The following ZNF716 variants were observed in gnomAD, a reference collection of about 807,000 sequenced individuals.
ZNF716 encodes the protein zinc finger protein 716.
ZNF716 carries 9 observed loss-of-function variants against 13.4 expected under a neutral mutation model. The ratio of observed to expected loss-of-function variants is 0.67; its 90% CI spans 0.41 to 1.18. The LOEUF is 1.18. ZNF716 is among the 50% of genes most tolerant of loss of function. The probability of loss-of-function intolerance (pLI) is 0.01; values close to 1 mark genes in which losing one functional copy is unlikely to be tolerated. For missense variants in ZNF716, 581 were observed against 576.6 expected, an observed-to-expected ratio of 1.01 and a Z score of -0.08; for synonymous variants, 186 against 195.2, an observed-to-expected ratio of 0.95 and a Z score of 0.39.
intron 1 of ZNF716, among the ~76,000 whole-genome samples, chr7:57,456,637 T>A (rs10240849): frequency 0.036 from 5,447 of 151,828 alleles, 314 homozygotes; most frequent in East Asian, 0.24. Flanking sequence ...CAGGAAGCTG[T>A]AGCAGGAGAA....
At chr7:57,456,652 T>G (rs1789595721) in intron 1 of ZNF716, among the ~76,000 whole-genome samples, 1 of 152,080 alleles carries the variant, frequency 6.6e-6, no homozygotes. Flanking sequence ...GGAGAATTAC[T>G]TGAACCCGAG....
intron 3 of ZNF716, among the ~76,000 whole-genome samples, chr7:57,466,746 T>G (rs1789823479): frequency 6.6e-6 from 1 of 152,120 alleles, no homozygotes; most frequent in Non-Finnish European, 1.5e-5. Context: ...CTATATTATG[T>G]TCTTCTGATT....
chr7:57,459,569 A>G (rs148470366), intron 1 of ZNF716, among the ~76,000 whole-genome samples: 3,680 of 152,312 alleles, frequency 0.024, 81 homozygotes, highest in Non-Finnish European at 0.036. Context: ...GAAAAAGCCC[A>G]TTCCTGGACC....
At chr7:57,454,953 G>T (rs1211416928) in intron 1 of ZNF716, among the ~76,000 whole-genome samples, 1 of 152,010 alleles carries the variant, frequency 6.6e-6, no homozygotes, top group Non-Finnish European at 1.5e-5. Flanking sequence ...ATGAACCCAG[G>T]AGGCGGAGCT....
chr7:57,471,527 A>T lies in ZNF716; in HGVS notation c.*1578A>T, dbSNP rs1789937520. On this transcript the variant is annotated 3_prime_UTR_variant, in exon 4 of 4. Coordinates refer to ENST00000420713, the MANE Select transcript of ZNF716 (RefSeq NM_001159279.1). ...AGACAAACATTAAAACATAAAGAGGATTGTGTAGTACCTTTATTTGTATTA... is the reference window on the plus strand; with the variant it reads ...AGACAAACATTAAAACATAAAGAGGTTTGTGTAGTACCTTTATTTGTATTA... 6.6e-6 allele frequency: 1 copy of T among 152,154 alleles called. No homozygotes were observed. The highest frequency in any genetic ancestry group is 1.9e-4 in the East Asian group (1 of 5,186). 9.4% of individuals were successfully genotyped at this position (152,154 alleles called of 1,614,324 possible).
rs1224290318 is a variant in ZNF716 at position 57,468,796 on chromosome 7, T to C, written c.335T>C (p.Leu112Pro). 1.2e-5 allele frequency: 19 copies of C among 1,613,472 alleles called. No individual in the cohort carries two copies. Among genetic ancestry groups the C allele is most frequent in the African/African-American group, 4.0e-5 (3 of 74,870 alleles). ...GIKDSLQKVI[L>P]RRYGKCGQED... ...AAAGATTCACTCCAAAAAGTGATAC[T>C]GAGAAGATATGGAAAATGTGGACAG... Residue 112 changes from leucine to proline, a missense_variant, in exon 4 of 4, where the codon CTG becomes CCG. Transcript: ENST00000420713.
At chr7:57,454,237 G>T (rs558202806) in intron 1 of ZNF716, among the ~76,000 whole-genome samples, 12 of 152,200 alleles carry the variant, frequency 7.9e-5, no homozygotes, top group African/African-American at 2.4e-4. Flanking sequence ...GTCCTCTTAT[G>T]GAAATAAGTA....
At chr7:57,459,222 A>T (rs1789660817) in intron 1 of ZNF716, among the ~76,000 whole-genome samples, 1 of 152,048 alleles carries the variant, frequency 6.6e-6, no homozygotes, top group Admixed American at 6.6e-5. Context: ...ACCAGCTCCC[A>T]GGGTGCTATG....
intron 1 of ZNF716, among the ~76,000 whole-genome samples, chr7:57,460,357 C>T (rs1364021438): frequency 3.5e-5 from 5 of 143,790 alleles, no homozygotes; most frequent in Admixed American, 7.1e-5. Context: ...ATTGCACCAC[C>T]GCACTCCAGC....
intron 1 of ZNF716, among the ~76,000 whole-genome samples, chr7:57,460,421 G>C (rs534974164): frequency 6.8e-6 from 1 of 147,178 alleles, no homozygotes; most frequent in African/African-American, 2.5e-5. Context: ...AAAAGGCAGC[G>C]TCCACTCTGC....
In ZNF716 at chr7:57,454,213, A is replaced by G. The variant is rs1452622400; in HGVS notation, c.39+3886A>G. 6.6e-5 allele frequency among the ~76,000 whole-genome samples: 10 copies of G among 152,176 alleles called. 1 individual carries two copies. The highest frequency in any genetic ancestry group is 1.5e-5 in the Non-Finnish European group (1 of 68,030). On this transcript the variant is annotated intron_variant, in intron 1 of 3. Transcript: ENST00000420713. The stretch of plus-strand genomic sequence containing the variant: ...CTTCTAGAAGTTTGTTCATATTACT[A>G]ATGTTTACTGAATGTCCTCTTATGG...
chr7:57,461,009 C>T (rs1554322989), intron 1 of ZNF716, among the ~76,000 whole-genome samples: 1 of 151,762 alleles, frequency 6.6e-6, no homozygotes. Context: ...GTGGCTCACG[C>T]TTGTAATCCC....
chr7:57,467,158 C>T (rs568326511), intron 3 of ZNF716, among the ~76,000 whole-genome samples: 3 of 151,998 alleles, frequency 2.0e-5, no homozygotes, highest in Non-Finnish European at 4.4e-5. Context: ...AATTTATTCT[C>T]ATTATATCTA....
At chr7:57,461,119 A>AAAAAT (rs1554323014) in intron 1 of ZNF716, among the ~76,000 whole-genome samples, 1 of 150,816 alleles carries the variant, frequency 6.6e-6, no homozygotes, top group Non-Finnish European at 1.5e-5. Flanking sequence ...AAAAAAAAAA[A>AAAAAT]ATACAAAAAT....
Position 57,450,347 on chromosome 7 carries a change from C to G in ZNF716, c.39+20C>G. 6.2e-7 allele frequency: 1 copy of G among 1,612,914 alleles called. No homozygotes were observed. ...GAAATGGTGAGTGCTGGGTCTGTCA[C>G]CGTGAGAGAGGGGTGGGGGCTGGTT... is the stretch of plus-strand genomic sequence containing the variant. On this transcript the variant is annotated intron_variant, in intron 1 of 3. Coordinates refer to ENST00000420713, the MANE Select transcript of ZNF716 (RefSeq NM_001159279.1).
At chr7:57,461,723 A>T (rs1459141896) in intron 1 of ZNF716, among the ~76,000 whole-genome samples, 2 of 152,168 alleles carry the variant, frequency 1.3e-5, no homozygotes, top group Admixed American at 1.3e-4. Context: ...CTCTATCCCA[A>T]ATCTCCTGAA....
In ZNF716 at chr7:57,450,319, C is replaced by T. The variant is rs1554321361; in HGVS notation, c.31C>T (p.Arg11Ter). The change falls in exon 1 of 4, where the codon CGA becomes TGA. Residue 11 changes from arginine (R) to a stop codon, truncating the protein, a stop_gained. Transcript: ENST00000420713. LOFTEE classifies it high-confidence loss of function. MAKRPGPPGS[R>*]EMGLLTFRDI... is the part of the protein sequence containing the mutation. ...TAAAAGACCGGGACCCCCTGGAAGCCGAGAAATGGTGAGTGCTGGGTCTGT... is the reference window on the plus strand; with the variant it reads ...TAAAAGACCGGGACCCCCTGGAAGCTGAGAAATGGTGAGTGCTGGGTCTGT... The T allele has an allele frequency of 6.8e-6, 11 of 1,613,558 alleles. No individual in the cohort carries two copies. Among genetic ancestry groups the T allele is most frequent in the African/African-American group, 1.3e-5 (1 of 74,738 alleles).
intron 3 of ZNF716, among the ~76,000 whole-genome samples, chr7:57,465,362 T>A (rs1349943158): frequency 6.6e-5 from 10 of 152,192 alleles, no homozygotes; most frequent in Non-Finnish European, 1.2e-4. Context: ...CTTACATTTT[T>A]TTTTTTGACA....
chr7:57,466,752 T>C (rs1351403493), intron 3 of ZNF716, among the ~76,000 whole-genome samples: 3 of 152,112 alleles, frequency 2.0e-5, no homozygotes, highest in African/African-American at 7.2e-5. Flanking sequence ...TATGTTCTTC[T>C]GATTTTCTGT....
Sources: allele counts gnomAD v4.1 joint callset (sites outside exome capture counted in the v4.1 genomes callset), GRCh38; gene constraint gnomAD v4.1.1; transcripts MANE v1.5; gene names NCBI Gene and HGNC (gene_info 2026-07-23, HGNC 2026-07-21).